The following THSD7B variants were observed in gnomAD, a reference collection of about 807,000 sequenced individuals.
The protein encoded by THSD7B is thrombospondin type-1 domain-containing protein 7B.
THSD7B carries 138 observed loss-of-function variants against 213.6 expected under a neutral mutation model. The ratio of observed to expected loss-of-function variants is 0.65; its 90% CI spans 0.56 to 0.74. THSD7B has a LOEUF of 0.74. Among genes scored for constraint, THSD7B ranks in the 30% least tolerant of loss-of-function variants. The pLI, the probability that THSD7B is intolerant of heterozygous loss-of-function variation, is 0.00. For synonymous variants in THSD7B, 742 were observed against 687.0 expected (o/e 1.08, Z -1.25); for missense variants, 1,931 against 1,991.5 (o/e 0.97, Z 0.58).
chr2:136,807,525 T>TTTTTTTTTTTTTTTTTTGG (rs70975713), intron 1 of THSD7B, among the ~76,000 whole-genome samples: 1 of 148,824 alleles, frequency 6.7e-6, no homozygotes. Context: ...TTTTTTTTTT[T>TTTTTTTTTTTTTTTTTTGG]GAGACGGAGT....
intron 15 of THSD7B, among the ~76,000 whole-genome samples, chr2:137,484,102 G>A (rs1233068403): frequency 2.0e-5 from 3 of 151,480 alleles, no homozygotes; most frequent in African/African-American, 7.3e-5. Context: ...CATGTGCCAT[G>A]CTGGTGTGCT....
chr2:137,224,223 C>T (rs954113788), intron 7 of THSD7B, among the ~76,000 whole-genome samples: 1 of 152,154 alleles, frequency 6.6e-6, no homozygotes, highest in African/African-American at 2.4e-5. Flanking sequence ...GTACAGAATT[C>T]GTTTACTAAA....
intron 2 of THSD7B, among the ~76,000 whole-genome samples, chr2:136,929,888 G>A (rs1477727969): frequency 3.3e-5 from 5 of 152,154 alleles, no homozygotes; most frequent in African/African-American, 9.7e-5. Context: ...GGACATAAAC[G>A]TTGAATTAGA....
chr2:137,083,569 T>C (rs1307131293), intron 3 of THSD7B, among the ~76,000 whole-genome samples: 1 of 152,162 alleles, frequency 6.6e-6, no homozygotes, highest in African/African-American at 2.4e-5. Context: ...TTTCTATTAG[T>C]TTGCCTAGTG....
chr2:136,810,745 A>G (rs1682362175), intron 1 of THSD7B, among the ~76,000 whole-genome samples: 2 of 152,218 alleles, frequency 1.3e-5, no homozygotes, highest in African/African-American at 4.8e-5. Flanking sequence ...TCATGTCAAC[A>G]TAGTCTGCTC....
chr2:137,650,714 G>T (rs1049699858), intron 21 of THSD7B, among the ~76,000 whole-genome samples: 4 of 152,186 alleles, frequency 2.6e-5, no homozygotes, highest in African/African-American at 9.6e-5. Context: ...TGTTAGCTGT[G>T]AGTCTGTCAT....
intron 12 of THSD7B, among the ~76,000 whole-genome samples, chr2:137,392,898 T>A (rs1255704066): frequency 6.6e-6 from 1 of 152,092 alleles, no homozygotes; most frequent in Non-Finnish European, 1.5e-5. Flanking sequence ...TCCTTCTTTG[T>A]GTGATTATTT....
chr2:136,817,341 T>G (rs1033250314), intron 1 of THSD7B, among the ~76,000 whole-genome samples: 1 of 151,860 alleles, frequency 6.6e-6, no homozygotes, highest in Non-Finnish European at 1.5e-5. Flanking sequence ...TAGTTTCTTT[T>G]GCTGTGCAGA....
chr2:137,014,389 G>C (rs982118944), intron 2 of THSD7B, among the ~76,000 whole-genome samples: 8 of 152,160 alleles, frequency 5.3e-5, no homozygotes, highest in African/African-American at 1.9e-4. Context: ...CTGCATGATG[G>C]TGGTCATTTC....
Position 136,820,891 on chromosome 2 carries a change from C to G in THSD7B, c.-36+55204C>G, listed in dbSNP as rs189250665. Among the ~76,000 whole-genome samples the G allele has an allele frequency of 2.5e-3, 380 of 151,986 alleles. 2 individuals are homozygous for G. The highest frequency in any genetic ancestry group is 8.6e-3 in the African/African-American group (358 of 41,476). On this transcript the variant is annotated intron_variant, in intron 1 of 27. Transcript: ENST00000409968. ...CTTGAGAGAGGGAGAGAGACAGAGA[C>G]AGAGAGAGAAAGAAAGAATCAAAAA...
chr2:137,303,674 A>ATATATATATT lies in THSD7B; in HGVS notation c.2500+27678_2500+27687dup, dbSNP rs1314509833. Among the ~76,000 whole-genome samples, 50 of 115,560 alleles carry ATATATATATT rather than the reference A, an allele frequency of 4.3e-4. 3 individuals carry two copies. Among genetic ancestry groups the ATATATATATT allele is most frequent in the African/African-American group, 1.6e-3 (39 of 24,970 alleles). 75.8% of individuals were successfully genotyped at this position (115,560 alleles called of 152,430 possible). ...CACATTTTCGTGTTTATATATATTAATATATATATTTATATATATTTATAT... is the reference window on the plus strand; with the variant it reads ...CACATTTTCGTGTTTATATATATTAATATATATATTTATATATATTTATATATATTTATAT... On this transcript the variant is annotated intron_variant, in intron 12 of 27. Coordinates refer to ENST00000409968, the MANE Select transcript of THSD7B (RefSeq NM_001316349.2).
chr2:137,335,855 G>A (rs1052829220), intron 12 of THSD7B, among the ~76,000 whole-genome samples: 9 of 152,036 alleles, frequency 5.9e-5, no homozygotes, highest in African/African-American at 2.2e-4. Context: ...GCCCTATCAA[G>A]TTTGAAATGT....
rs115346983 is a variant in THSD7B at position 137,617,622 on chromosome 2, G to T, written c.3566-770G>T. On this transcript the variant is annotated intron_variant, in intron 18 of 27. Coordinates refer to ENST00000409968, the MANE Select transcript of THSD7B (RefSeq NM_001316349.2). ...GGTTTAAATGATTGGATTTAGTATT[G>T]AAAATGTTTTCAAGTTTACATAAAA... Among the ~76,000 whole-genome samples the T allele has an allele frequency of 6.6e-3, 999 of 152,258 alleles. 6 individuals carry two copies. The highest frequency in any genetic ancestry group is 0.023 in the African/African-American group (946 of 41,546).
chr2:137,134,824 T>C (rs1406635936), intron 5 of THSD7B, among the ~76,000 whole-genome samples: 1 of 152,180 alleles, frequency 6.6e-6, no homozygotes, highest in East Asian at 1.9e-4. Flanking sequence ...CTTTCTACCC[T>C]TTTTCAGATG....
At chr2:137,539,283 T>G (rs1338496059) in intron 15 of THSD7B, among the ~76,000 whole-genome samples, 2 of 151,648 alleles carry the variant, frequency 1.3e-5, no homozygotes. Context: ...AATTCAAATT[T>G]TTTTTTCACG....
chr2:136,890,725 G>C (rs181029613), intron 2 of THSD7B, among the ~76,000 whole-genome samples: 23 of 150,440 alleles, frequency 1.5e-4, no homozygotes, highest in African/African-American at 5.6e-4. Context: ...ATTTTCAGTA[G>C]AGACAGGGTT....
intron 27 of THSD7B, among the ~76,000 whole-genome samples, chr2:137,669,223 T>TCAACATTGTCTAACTTGTC: frequency 6.6e-6 from 1 of 152,338 alleles, no homozygotes; most frequent in Admixed American, 6.5e-5. Context: ...CCATTGTCTA[T>TCAACATTGTCTAACTTGTC]TAACCTCAAG....
At chr2:137,605,180 G>A (rs1010684836) in intron 17 of THSD7B, among the ~76,000 whole-genome samples, 1 of 152,148 alleles carries the variant, frequency 6.6e-6, no homozygotes, top group Non-Finnish European at 1.5e-5. Flanking sequence ...TATTTTGAGA[G>A]GCAAGTACAT....
intron 2 of THSD7B, among the ~76,000 whole-genome samples, chr2:137,039,820 C>T (rs984005843): frequency 3.3e-5 from 5 of 152,204 alleles, no homozygotes; most frequent in Non-Finnish European, 5.9e-5. Flanking sequence ...GCCATTGACT[C>T]TTTGCTTTGG....
Sources: gnomAD v4.1 joint callset for allele counts (sites outside exome capture counted in the v4.1 genomes callset) on GRCh38, gnomAD v4.1.1 for gene constraint, MANE v1.5 for transcripts, NCBI Gene and HGNC (gene_info 2026-07-23, HGNC 2026-07-21) for gene names.